NOS1: variants seen among roughly 807,000 people sequenced by gnomAD.
NOS1 encodes NOS type I.
Under a neutral mutation model 164.5 loss-of-function variants are expected in NOS1, and 51 were observed. The observed-to-expected ratio is 0.31, with a 90% CI of 0.25 to 0.39. The LOEUF is 0.39. Ranked by LOEUF, NOS1 falls within the 10% of genes least tolerant of loss-of-function variation. The pLI is 1.00. For synonymous variants in NOS1, 719 were observed against 745.8 expected, an observed-to-expected ratio of 0.96 and a Z score of 0.59; for missense variants, 1,362 against 1,885.6, an observed-to-expected ratio of 0.72 and a Z score of 5.14.
chr12:117,358,341 C>T (rs1475663431), intron 1 of NOS1, among the ~76,000 whole-genome samples: 2 of 151,356 alleles, frequency 1.3e-5, no homozygotes, highest in African/African-American at 2.4e-5. Context: ...CGCCCTCTCA[C>T]TCTTCTCCGT....
intron 1 of NOS1, among the ~76,000 whole-genome samples, chr12:117,352,891 A>C (rs1343227651): frequency 1.3e-5 from 2 of 152,196 alleles, no homozygotes; most frequent in Non-Finnish European, 2.9e-5. Context: ...ACTTTATGAT[A>C]AAGTATTTAA....
At chr12:117,328,349 T>C (rs1433042302) in intron 2 of NOS1, among the ~76,000 whole-genome samples, 1 of 151,944 alleles carries the variant, frequency 6.6e-6, no homozygotes. Context: ...TTTGTATTTT[T>C]AGTGGAGATG....
rs1230809050 is a variant in NOS1 at position 117,213,891 on chromosome 12, C to A, written c.*1418G>T. On this transcript the variant is annotated 3_prime_UTR_variant, in exon 29 of 29. Transcript: ENST00000317775. ...ACCATTTACTCTGAGAGAGTAAATTCAACAGGTTGCCTCTTAGGGAGGAAT... is the reference window on the plus strand; with the variant it reads ...ACCATTTACTCTGAGAGAGTAAATTAAACAGGTTGCCTCTTAGGGAGGAAT... The A allele has an allele frequency of 2.0e-6, 2 of 985,272 alleles. No individual in the cohort carries two copies. Among genetic ancestry groups the A allele is most frequent in the East Asian group, 2.3e-4 (2 of 8,830 alleles). The allele number at this position is 985,272 out of a possible 1,614,324, so 61.0% of individuals were successfully genotyped here.
At chr12:117,357,732 T>A (rs1171466669) in intron 1 of NOS1, among the ~76,000 whole-genome samples, 8 of 152,178 alleles carry the variant, frequency 5.3e-5, no homozygotes, top group Admixed American at 5.2e-4. Flanking sequence ...CATCTTTGCT[T>A]TTAACCAGGG....
At chr12:117,302,778 C>A (rs1341836452) in intron 3 of NOS1, among the ~76,000 whole-genome samples, 1 of 151,914 alleles carries the variant, frequency 6.6e-6, no homozygotes, top group Admixed American at 6.6e-5. Flanking sequence ...TAGGGTCTCA[C>A]TCCAATGCCC....
At chr12:117,288,922 G>A (rs1170450059) in intron 4 of NOS1, among the ~76,000 whole-genome samples, 1 of 152,158 alleles carries the variant, frequency 6.6e-6, no homozygotes, top group Non-Finnish European at 1.5e-5. Flanking sequence ...CCCCTCAGAT[G>A]TAACTACAGA....
In NOS1 at chr12:117,263,822, C is replaced by A. The variant is rs540447285; in HGVS notation, c.2222+67G>T. On this transcript the variant is annotated intron_variant, in intron 13 of 28. Transcript: ENST00000317775. ...TCAGAGGGCACAGGAGTCTGCCCAGCCTCCTTCTCTGGGTTCTCTGAGTTT... is the reference window on the plus strand; with the variant it reads ...TCAGAGGGCACAGGAGTCTGCCCAGACTCCTTCTCTGGGTTCTCTGAGTTT... The A allele has an allele frequency of 2.4e-5, 29 of 1,216,126 alleles. No homozygotes were observed. The South Asian group carries it at 2.4e-4, about 10-fold the overall frequency. 75.3% of individuals were successfully genotyped at this position (1,216,126 alleles called of 1,614,324 possible).
chr12:117,259,060 G>A lies in NOS1; in HGVS notation c.2438C>T (p.Thr813Ile). 6.2e-7 allele frequency: 1 copy of A among 1,614,076 alleles called. No homozygotes were observed. Among genetic ancestry groups the A allele is most frequent in the South Asian group, 1.1e-5 (1 of 91,064 alleles). The change falls in exon 15 of 29, where the codon ACC becomes ATC. Residue 813 changes from threonine (T) to isoleucine (I), a missense_variant. Physicochemically the swap from Thr to Ile is moderately conservative, Grantham distance 89 (BLOSUM62 -1). Around this residue, in one of 4 missense-constraint regions of NOS1, gnomAD observed 737 missense variants for 1,030.3 expected, o/e 0.72. Coordinates refer to ENST00000317775, the MANE Select transcript of NOS1 (RefSeq NM_000620.5). The part of the protein sequence containing the change: ...HETLVLVVTS[T>I]FGNGDPPENG... Reference sequence around the variant, plus strand: ...CTCAGGGGGATCTCCATTGCCAAAGGTGCTGGTGACCACAAGGACCAGAGT... The same window carrying A: ...CTCAGGGGGATCTCCATTGCCAAAGATGCTGGTGACCACAAGGACCAGAGT...
chr12:117,254,189 C>A (rs1448331351), intron 16 of NOS1, among the ~76,000 whole-genome samples: 1 of 152,210 alleles, frequency 6.6e-6, no homozygotes, highest in East Asian at 1.9e-4. Flanking sequence ...CTCACTGCAA[C>A]CTCTGCCTCC....
chr12:117,222,857 T>C lies in NOS1; in HGVS notation c.3833A>G (p.Asn1278Ser). ...GAAGACCAGGACCATGGGGCAGGGGTTCATTCCTGGGGACCAGGAAGACCT... is the reference window on the plus strand; with the variant it reads ...GAAGACCAGGACCATGGGGCAGGGGCTCATTCCTGGGGACCAGGAAGACCT... The part of the protein sequence containing the change: ...RQFDIQHKGM[N>S]PCPMVLVFGC... The change falls in exon 26 of 29, where the codon AAC becomes AGC. Residue 1278 changes from asparagine (N) to serine (S), a missense_variant. By Grantham distance (46) the Asn-to-Ser change is conservative. Around this residue, in one of 4 missense-constraint regions of NOS1, gnomAD observed 737 missense variants for 1,030.3 expected, o/e 0.72. Coordinates refer to ENST00000317775, the MANE Select transcript of NOS1 (RefSeq NM_000620.5). 1 of 1,613,156 alleles carries C rather than the reference T, an allele frequency of 6.2e-7. No individual in the cohort carries two copies.
intron 9 of NOS1, among the ~76,000 whole-genome samples, chr12:117,273,190 T>C (rs1020273110): frequency 6.6e-6 from 1 of 152,166 alleles, no homozygotes; most frequent in African/African-American, 2.4e-5. Flanking sequence ...AAGTGGTTAT[T>C]TGAGTAATTA....
intron 2 of NOS1, among the ~76,000 whole-genome samples, chr12:117,328,732 T>C (rs1195219734): frequency 6.6e-6 from 1 of 152,240 alleles, no homozygotes; most frequent in African/African-American, 2.4e-5. Flanking sequence ...GCCCAGCTAA[T>C]CCCTTTCCTG....
intron 22 of NOS1, among the ~76,000 whole-genome samples, chr12:117,228,271 C>T (rs909637559): frequency 6.6e-6 from 1 of 152,068 alleles, no homozygotes; most frequent in African/African-American, 2.4e-5. Flanking sequence ...TTATAGAGGT[C>T]CCATGGCTAC....
At chr12:117,316,320 G>A (rs928101292) in intron 2 of NOS1, among the ~76,000 whole-genome samples, 3 of 152,032 alleles carry the variant, frequency 2.0e-5, no homozygotes, top group African/African-American at 4.8e-5. Context: ...CCAGGAATTC[G>A]ATAATTCTCT....
intron 17 of NOS1, among the ~76,000 whole-genome samples, chr12:117,252,157 T>A (rs1405807692): frequency 2.0e-5 from 3 of 152,184 alleles, no homozygotes; most frequent in Non-Finnish European, 2.9e-5. Flanking sequence ...TCCTGAACAT[T>A]CTCAATTGAT....
At chr12:117,248,622 G>C (rs1280495800) in intron 17 of NOS1, among the ~76,000 whole-genome samples, 1 of 151,876 alleles carries the variant, frequency 6.6e-6, no homozygotes, top group Non-Finnish European at 1.5e-5. Context: ...TTGGTTCCAA[G>C]TCTTTGCTAT....
chr12:117,328,658 G>A (rs780968982), intron 2 of NOS1, among the ~76,000 whole-genome samples: 5 of 152,000 alleles, frequency 3.3e-5, no homozygotes, highest in African/African-American at 1.2e-4. Flanking sequence ...TCTGCCTCCC[G>A]GGTCCAAGTG....
intron 12 of NOS1, among the ~76,000 whole-genome samples, chr12:117,264,211 G>A (rs1872182494): frequency 1.3e-5 from 2 of 151,912 alleles, no homozygotes; most frequent in South Asian, 4.2e-4. Context: ...CTTTCCCCTT[G>A]GCCCCCAGTC....
At position 117,330,961 on chromosome 12, in the gene NOS1, T is replaced by C. The variant is rs1380488252; in HGVS notation, c.109A>G (p.Ser37Gly). The C allele has an allele frequency of 3.1e-6, 5 of 1,614,102 alleles. No individual in the cohort carries two copies. The highest frequency in any genetic ancestry group is 3.3e-4 in the Middle Eastern group (2 of 6,084). The change falls in exon 2 of 29, where the codon AGT (serine) becomes GGT (glycine). Residue 37 changes from serine (S) to glycine (G), a missense_variant. Physicochemically the swap from Ser to Gly is moderately conservative, Grantham distance 56. This residue lies in a region of NOS1 where 362 missense variants were observed against 402.0 expected (regional missense o/e 0.90). Transcript: ENST00000317775. This position sits in a 1 kb window ranked among gnomAD's most constrained non-coding sequence, Gnocchi z 4.6. ...GLGFLVKERV[S>G]KPPVIISDLI... is the part of the protein sequence containing the mutation. Reference sequence around the variant, plus strand: ...TCAGAGATGATCACGGGCGGCTTACTGACCCGCTCCTTCACCAGAAATCCC... The same window carrying C: ...TCAGAGATGATCACGGGCGGCTTACCGACCCGCTCCTTCACCAGAAATCCC...
Sources: gnomAD v4.1 joint callset for allele counts (sites outside exome capture counted in the v4.1 genomes callset) on GRCh38, gnomAD v4.1.1 for gene constraint, gnomAD v4.1.1 regional missense constraint, Gnocchi (gnomAD v3.1) non-coding constraint, MANE v1.5 for transcripts, NCBI Gene and HGNC (gene_info 2026-07-23, HGNC 2026-07-21) for gene names.